Variants in SRGN observed in about 807,000 individuals in gnomAD.
The protein encoded by SRGN is hematopoetic proteoglycan core peptide.
In SRGN, 2 loss-of-function variants were observed where a neutral mutation model predicts 9.5. The ratio of observed to expected loss-of-function variants is 0.21; its 90% CI spans 0.09 to 0.66. The LOEUF (loss-of-function observed/expected upper bound fraction) is 0.66. SRGN is among the 30% of genes least tolerant of loss of function. The pLI is 0.83. For missense variants in SRGN, 170 were observed against 192.4 expected (o/e 0.88, Z 0.69); for synonymous variants, 59 against 72.3 (o/e 0.82, Z 0.93).
chr10:69,104,389 C>T lies in SRGN; in HGVS notation c.*269C>T, dbSNP rs1840357006. 1 of 245,242 alleles carries T rather than the reference C, an allele frequency of 4.1e-6. No homozygotes were observed. 15.2% of individuals were successfully genotyped at this position (245,242 alleles called of 1,614,324 possible). A position where few individuals can be genotyped will look rare whatever the true frequency, so the allele number is the denominator to read the frequency against. On this transcript the variant is annotated 3_prime_UTR_variant, in exon 3 of 3. Coordinates refer to ENST00000242465, the MANE Select transcript of SRGN (RefSeq NM_002727.4). The stretch of plus-strand genomic sequence containing the variant: ...TATGAAATTAATTAGATTCCCATGG[C>T]CATAAAATGGCTTTAAAGAATATAT...
intron 2 of SRGN, among the ~76,000 whole-genome samples, chr10:69,101,113 T>C (rs576940847): frequency 6.6e-6 from 1 of 151,502 alleles, no homozygotes; most frequent in Non-Finnish European, 1.5e-5. Context: ...CTCCAGGGTG[T>C]GCCACTATGC....
At chr10:69,099,043 A>G (rs1037675348) in intron 2 of SRGN, among the ~76,000 whole-genome samples, 5 of 152,180 alleles carry the variant, frequency 3.3e-5, no homozygotes, top group Non-Finnish European at 5.9e-5. Flanking sequence ...TTGATCACAT[A>G]AAACTTGCTT....
intron 2 of SRGN, 102 bp from the exon 3 acceptor site, chr10:69,103,769 G>C (rs1840335716): frequency 1.6e-6 from 2 of 1,248,034 alleles, no homozygotes; most frequent in African/African-American, 1.5e-5. Context: ...TGAGCAACTA[G>C]ATGGCTGTAT....
rs879267968 is a variant in SRGN, at chr10:69,104,348, G to C, written c.*228G>C. The C allele has an allele frequency of 5.4e-6, 2 of 371,420 alleles. No homozygotes were observed. Among genetic ancestry groups the C allele is most frequent in the Non-Finnish European group, 9.2e-6 (2 of 217,134 alleles). 23.0% of individuals were successfully genotyped at this position (371,420 alleles called of 1,614,324 possible). On this transcript the variant is annotated 3_prime_UTR_variant, in exon 3 of 3. Transcript: ENST00000242465. The stretch of plus-strand genomic sequence containing the variant: ...AAATACCTGCATTTTTTGGTATCAT[G>C]TTCAACCAACATCATTATGAAATTA...
chr10:69,102,603 C>T (rs933793359), intron 2 of SRGN, among the ~76,000 whole-genome samples: 2 of 152,180 alleles, frequency 1.3e-5, no homozygotes, highest in African/African-American at 2.4e-5. Context: ...GCTTTTGTCT[C>T]TGATGCTTTG....
intron 2 of SRGN, among the ~76,000 whole-genome samples, chr10:69,103,539 C>A (rs1489566870): frequency 1.3e-5 from 2 of 151,884 alleles, no homozygotes; most frequent in African/African-American, 4.8e-5. Context: ...CAAGACTCTG[C>A]CTCCAAAAAT....
chr10:69,096,322 A>G (rs546779879), intron 1 of SRGN, among the ~76,000 whole-genome samples: 2 of 152,206 alleles, frequency 1.3e-5, no homozygotes, highest in East Asian at 3.8e-4. Flanking sequence ...TAATAGTACA[A>G]AAGTAACAAC....
intron 2 of SRGN, among the ~76,000 whole-genome samples, chr10:69,102,530 T>C (rs760179043): frequency 4.6e-5 from 7 of 152,234 alleles, no homozygotes; most frequent in Non-Finnish European, 7.3e-5. Flanking sequence ...AAAACTCTAA[T>C]TGGTTGTATG....
Position 69,091,879 on chromosome 10 carries a change from C to CAAA in SRGN, c.79+3670_79+3672dup, listed in dbSNP as rs1177012248. 6.9e-3 allele frequency among the ~76,000 whole-genome samples: 220 copies of CAAA among 31,684 alleles called. 15 individuals are homozygous for CAAA. Among genetic ancestry groups the CAAA allele is most frequent in the African/African-American group, 0.026 (122 of 4,728 alleles). The allele number at this position is 31,684 out of a possible 152,430, so 20.8% of individuals were successfully genotyped here. A position where few individuals can be genotyped will look rare whatever the true frequency, so the allele number is the denominator to read the frequency against. On this transcript the variant is annotated intron_variant, in intron 1 of 2. Coordinates refer to ENST00000242465, the MANE Select transcript of SRGN (RefSeq NM_002727.4). ...TGGGCGATAGACTGAGACTCTGTCT[C>CAAA]AAAAAAAAAAAAAAAAAAAAAAAAA...
chr10:69,104,269 A>G lies in SRGN; in HGVS notation c.*149A>G, dbSNP rs1250412128. On this transcript the variant is annotated 3_prime_UTR_variant, in exon 3 of 3. Transcript: ENST00000242465. The stretch of plus-strand genomic sequence containing the variant: ...AAGTTTTATCATCCTTTTTTTTCTC[A>G]TGAATTCTTAAAGGATTATGCTTTA... 2.8e-6 allele frequency: 3 copies of G among 1,083,230 alleles called. No homozygotes were observed. Among genetic ancestry groups the G allele is most frequent in the Non-Finnish European group, 3.9e-6 (3 of 773,574 alleles). 67.1% of individuals were successfully genotyped at this position (1,083,230 alleles called of 1,614,324 possible). A position where few individuals can be genotyped will look rare whatever the true frequency, so the allele number is the denominator to read the frequency against.
At chr10:69,089,306 T>A (rs1464222360) in intron 1 of SRGN, among the ~76,000 whole-genome samples, 1 of 152,228 alleles carries the variant, frequency 6.6e-6, no homozygotes, top group East Asian at 1.9e-4. Context: ...TATGTATTTT[T>A]AAAATATAAA....
chr10:69,090,831 C>T (rs117380577), intron 1 of SRGN, among the ~76,000 whole-genome samples: 1 of 152,238 alleles, frequency 6.6e-6, no homozygotes, highest in East Asian at 1.9e-4. Flanking sequence ...CTGGAGAGCA[C>T]AGATGACTAA....
In SRGN at chr10:69,102,901, A is replaced by G. The variant is rs1840319757; in HGVS notation, c.228-970A>G. Among the ~76,000 whole-genome samples, 4 of 152,264 alleles carry G rather than the reference A, an allele frequency of 2.6e-5. No homozygotes were observed. The South Asian group carries it at 8.3e-4, about 32-fold the overall frequency. On this transcript the variant is annotated intron_variant, in intron 2 of 2. Coordinates refer to ENST00000242465, the MANE Select transcript of SRGN (RefSeq NM_002727.4). ...AAATTTTAATTTAGGAAAAAATGTC[A>G]TCTGTTTGGGCTGACTTAGTTGTTA...
chr10:69,093,064 GCT>G (rs1840099120), intron 1 of SRGN, among the ~76,000 whole-genome samples: 1 of 152,076 alleles, frequency 6.6e-6, no homozygotes, highest in African/African-American at 2.4e-5. Context: ...TTTCTGTTTA[GCT>G]TCCTGTGTGA....
At chr10:69,088,599 CT>C (rs1350230558) in intron 1 of SRGN, among the ~76,000 whole-genome samples, 5 of 152,118 alleles carry the variant, frequency 3.3e-5, no homozygotes, top group African/African-American at 1.2e-4. Flanking sequence ...CTGCCTACCC[CT>C]AAGTGTCTAC....
At chr10:69,093,829 G>A (rs1589327182) in intron 1 of SRGN, among the ~76,000 whole-genome samples, 1 of 152,096 alleles carries the variant, frequency 6.6e-6, no homozygotes, top group East Asian at 1.9e-4. Flanking sequence ...ATGTGCCACA[G>A]CACTCCAGCC....
chr10:69,090,434 T>A (rs1175242626), intron 1 of SRGN, among the ~76,000 whole-genome samples: 1 of 152,172 alleles, frequency 6.6e-6, no homozygotes, highest in Non-Finnish European at 1.5e-5. Flanking sequence ...AGAAATGTAT[T>A]TCCTCACAGT....
chr10:69,099,923 C>T (rs779326582), intron 2 of SRGN, among the ~76,000 whole-genome samples: 1 of 152,058 alleles, frequency 6.6e-6, no homozygotes, highest in Admixed American at 6.6e-5. Flanking sequence ...CACGGCAAGA[C>T]CCCATCTCTA....
chr10:69,091,879 C>CAAAAAAAAAAAAAAAA (rs1177012248), intron 1 of SRGN, among the ~76,000 whole-genome samples: 125 of 31,728 alleles, frequency 3.9e-3, no homozygotes, highest in Non-Finnish European at 4.1e-3. Flanking sequence ...GACTCTGTCT[C>CAAAAAAAAAAAAAAAA]AAAAAAAAAA....
Sources: gnomAD v4.1 joint callset for allele counts (sites outside exome capture counted in the v4.1 genomes callset) on GRCh38, gnomAD v4.1.1 for gene constraint, MANE v1.5 for transcripts, NCBI Gene and HGNC (gene_info 2026-07-23, HGNC 2026-07-21) for gene names.